MBNL2: variants seen among roughly 807,000 people sequenced by gnomAD.
The protein encoded by MBNL2 is muscleblind-like protein 2.
Under a neutral mutation model 41.9 loss-of-function variants are expected in MBNL2, and 17 were observed. That is an observed-to-expected ratio of 0.41 (90% CI 0.28 to 0.61). The LOEUF is 0.61. MBNL2 is among the 20% of genes least tolerant of loss of function. MBNL2 has a pLI of 0.35. For synonymous variants in MBNL2, 195 were observed against 182.9 expected (o/e 1.07, Z -0.53); for missense variants, 336 against 505.6 (o/e 0.66, Z 3.22).
At chr13:97,299,656 CTAT>C (rs2057415955) in intron 2 of MBNL2, among the ~76,000 whole-genome samples, 1 of 148,230 alleles carries the variant, frequency 6.7e-6, no homozygotes, top group African/African-American at 2.6e-5. Flanking sequence ...CTATATCTAT[CTAT>C]CTATCTATCT....
chr13:97,375,040 C>G (rs2064833717), intron 8 of MBNL2, among the ~76,000 whole-genome samples: 1 of 152,060 alleles, frequency 6.6e-6, no homozygotes, highest in Non-Finnish European at 1.5e-5. Context: ...CCTACCTTCT[C>G]ACACGTCTGC....
At chr13:97,160,327 GC>G in the MBNL2 span, among the ~76,000 whole-genome samples, 556 of 152,232 alleles carry the variant, frequency 3.7e-3, 1 homozygote, top group Non-Finnish European at 6.8e-3. Flanking sequence ...GCAAGAAGAA[GC>G]CCCTCCAATA....
intron 7 of MBNL2, among the ~76,000 whole-genome samples, chr13:97,358,131 CA>C (rs2063132498): frequency 6.6e-6 from 1 of 152,132 alleles, no homozygotes; most frequent in African/African-American, 2.4e-5. Flanking sequence ...CAACTTTCAC[CA>C]AGTTCACAAG....
intron 2 of MBNL2, among the ~76,000 whole-genome samples, chr13:97,333,598 T>C (rs2060601796): frequency 6.6e-6 from 1 of 152,174 alleles, no homozygotes; most frequent in African/African-American, 2.4e-5. Context: ...CATCTATGTG[T>C]ATATCACCAA....
intron 1 of MBNL2, among the ~76,000 whole-genome samples, chr13:97,235,623 G>A (rs1361432616): frequency 6.6e-6 from 1 of 152,208 alleles, no homozygotes; most frequent in Non-Finnish European, 1.5e-5. Flanking sequence ...ATAAATTAGT[G>A]TAGAAAGTGG....
intron 5 of MBNL2, among the ~76,000 whole-genome samples, chr13:97,354,565 C>T (rs1475896710): frequency 6.6e-6 from 1 of 152,134 alleles, no homozygotes. Context: ...CTAGAGATCT[C>T]AGTTTTTTTA....
At chr13:97,378,922 G>A (rs2065191144) in intron 8 of MBNL2, among the ~76,000 whole-genome samples, 1 of 152,274 alleles carries the variant, frequency 6.6e-6, no homozygotes, top group Non-Finnish European at 1.5e-5. Context: ...ATATAAGTGA[G>A]CACATCTTAG....
Position 97,308,183 on chromosome 13 carries a change from A to T in MBNL2, c.175-26093A>T, listed in dbSNP as rs150535183. On this transcript the variant is annotated intron_variant, in intron 2 of 8. Transcript: ENST00000679496. ...CATGCCTGCAGGCCCCAGTTCACAG[A>T]GGCCCCACACATTGACCTGCTCATT... 4.0e-4 allele frequency among the ~76,000 whole-genome samples: 61 copies of T among 152,332 alleles called. 2 individuals carry two copies. The highest frequency in any genetic ancestry group is 1.4e-3 in the African/African-American group (59 of 41,580).
the MBNL2 span, among the ~76,000 whole-genome samples, chr13:97,205,101 G>A: frequency 1.3e-5 from 2 of 150,756 alleles, no homozygotes; most frequent in Non-Finnish European, 3.0e-5. Context: ...AACCCGGGAG[G>A]TGGAGGTTGC....
chr13:97,161,532 C>T, the MBNL2 span, among the ~76,000 whole-genome samples: 2 of 152,232 alleles, frequency 1.3e-5, no homozygotes, highest in South Asian at 2.1e-4. Flanking sequence ...ACCTTGGGCT[C>T]AGTTTCAGGA....
chr13:97,199,362 TAC>T, the MBNL2 span, among the ~76,000 whole-genome samples: 2 of 152,090 alleles, frequency 1.3e-5, no homozygotes, highest in Admixed American at 6.5e-5. Flanking sequence ...ATGTATTATA[TAC>T]ACACTCTTTG....
chr13:97,170,369 T>A, the MBNL2 span, among the ~76,000 whole-genome samples: 1 of 152,236 alleles, frequency 6.6e-6, no homozygotes, highest in Non-Finnish European at 1.5e-5. Flanking sequence ...CCCATACTTG[T>A]AACTGCCCAA....
intron 2 of MBNL2, among the ~76,000 whole-genome samples, chr13:97,323,779 A>T (rs910000105): frequency 6.6e-6 from 1 of 150,796 alleles, no homozygotes; most frequent in African/African-American, 2.4e-5. Flanking sequence ...AGCTCTAATT[A>T]AAAAAAAAAT....
At chr13:97,254,005 T>C (rs1259659557) in intron 1 of MBNL2, among the ~76,000 whole-genome samples, 1 of 152,178 alleles carries the variant, frequency 6.6e-6, no homozygotes, top group Non-Finnish European at 1.5e-5. Context: ...TTCTCCTGCC[T>C]CAGCCTTCCA....
At chr13:97,191,874 C>A in the MBNL2 span, among the ~76,000 whole-genome samples, 1 of 152,200 alleles carries the variant, frequency 6.6e-6, no homozygotes, top group South Asian at 2.1e-4. Flanking sequence ...CTGCATCTGC[C>A]ATGGCCTCTC....
At chr13:97,317,597 T>G (rs1225162554) in intron 2 of MBNL2, among the ~76,000 whole-genome samples, 2 of 152,226 alleles carry the variant, frequency 1.3e-5, no homozygotes, top group Admixed American at 6.5e-5. Flanking sequence ...GAAATCCAGG[T>G]GCCTCATTTG....
At chr13:97,212,528 A>G in the MBNL2 span, among the ~76,000 whole-genome samples, 2 of 151,954 alleles carry the variant, frequency 1.3e-5, no homozygotes, top group Admixed American at 6.5e-5. Flanking sequence ...TAATTTTTCT[A>G]TTACATTTAG....
In MBNL2 at chr13:97,254,648, A is replaced by G. The variant is rs1594100282; in HGVS notation, c.-604-20984A>G. On this transcript the variant is annotated intron_variant, in intron 1 of 8. Transcript: ENST00000679496. ...ACTGTTCCCCCCGCCTCTCTTTTAT[A>G]TGGGATCATAGGGATCGTAGGGATA... 3.3e-5 allele frequency among the ~76,000 whole-genome samples: 5 copies of G among 151,848 alleles called. No individual in the cohort carries two copies. In the South Asian group the frequency reaches 6.2e-4, roughly 19 times the overall value.
chr13:97,203,915 T>TGGAC, the MBNL2 span, among the ~76,000 whole-genome samples: 1 of 130,086 alleles, frequency 7.7e-6, no homozygotes, highest in Non-Finnish European at 1.7e-5. Context: ...GATGGATGGA[T>TGGAC]GGACGGACGG....
Sources: gnomAD v4.1 joint callset for allele counts (sites outside exome capture counted in the v4.1 genomes callset) on GRCh38, gnomAD v4.1.1 for gene constraint, MANE v1.5 for transcripts, NCBI Gene and HGNC (gene_info 2026-07-23, HGNC 2026-07-21) for gene names.